The following GRID2 variants were observed in gnomAD, a reference collection of about 807,000 sequenced individuals.
The protein encoded by GRID2 is glutamate receptor ionotropic, delta-2.
A neutral mutation model predicts 114.8 loss-of-function variants in GRID2; 33 were observed. The observed-to-expected ratio is 0.29, with a 90% CI of 0.22 to 0.38. GRID2 has a LOEUF of 0.38. Ranked by LOEUF, GRID2 falls within the 10% of genes least tolerant of loss-of-function variation. The probability of loss-of-function intolerance (pLI) is 1.00; values close to 1 mark genes in which losing one functional copy is unlikely to be tolerated. For missense variants in GRID2, 1,184 were observed against 1,257.7 expected (o/e 0.94, Z 0.89); for synonymous variants, 505 against 449.9 (o/e 1.12, Z -1.55).
chr4:92,515,203 CT>C (rs1724442398), intron 1 of GRID2, among the ~76,000 whole-genome samples: 1 of 151,776 alleles, frequency 6.6e-6, no homozygotes, highest in African/African-American at 2.4e-5. Context: ...GGAAAAATTG[CT>C]AAGCTATATT....
At chr4:93,053,958 T>C (rs1309548936) in intron 2 of GRID2, among the ~76,000 whole-genome samples, 1 of 151,988 alleles carries the variant, frequency 6.6e-6, no homozygotes, top group Non-Finnish European at 1.5e-5. Flanking sequence ...AAATATCTCA[T>C]AACTCTTCAC....
intron 4 of GRID2, among the ~76,000 whole-genome samples, chr4:93,139,284 A>G (rs1006686142): frequency 6.6e-6 from 1 of 152,182 alleles, no homozygotes; most frequent in African/African-American, 2.4e-5. Context: ...GTAAAGGCTG[A>G]CTGGAGAGGA....
intron 1 of GRID2, among the ~76,000 whole-genome samples, chr4:92,374,223 C>A (rs1219476397): frequency 6.6e-6 from 1 of 152,110 alleles, no homozygotes; most frequent in Non-Finnish European, 1.5e-5. Context: ...ACAACTTATT[C>A]TCTTTAAAGC....
intron 7 of GRID2, among the ~76,000 whole-genome samples, chr4:93,231,386 CTG>C: frequency 8.2e-6 from 1 of 121,466 alleles, no homozygotes; most frequent in Non-Finnish European, 1.7e-5. Context: ...CCCGCACCCC[CTG>C]CCAAAAAAAA....
intron 8 of GRID2, among the ~76,000 whole-genome samples, chr4:93,375,954 C>T (rs1763338889): frequency 6.6e-6 from 1 of 151,988 alleles, no homozygotes; most frequent in South Asian, 2.1e-4. Flanking sequence ...ATTGGGTTTT[C>T]CCTGAGGCCT....
intron 1 of GRID2, among the ~76,000 whole-genome samples, chr4:92,363,068 C>T (rs531660011): frequency 5.3e-5 from 8 of 152,034 alleles, no homozygotes; most frequent in African/African-American, 1.9e-4. Context: ...GTGAATATAC[C>T]TGAGAGGGCA....
chr4:93,542,056 A>T lies in GRID2; in HGVS notation c.2193+26645A>T, dbSNP rs75002945. Reference sequence around the variant, plus strand: ...CCCAACTTGGGTCACTACCCCTCACATAGCCCTCTTTAATGTTCTTCAGTT... The same window carrying T: ...CCCAACTTGGGTCACTACCCCTCACTTAGCCCTCTTTAATGTTCTTCAGTT... On this transcript the variant is annotated intron_variant, in intron 13 of 15. Coordinates refer to ENST00000282020, the MANE Select transcript of GRID2 (RefSeq NM_001510.4). Among the ~76,000 whole-genome samples, 754 of 152,300 alleles carry T rather than the reference A, an allele frequency of 5.0e-3. 9 individuals are homozygous for T. Among genetic ancestry groups the T allele is most frequent in the African/African-American group, 0.018 (728 of 41,572 alleles).
chr4:92,938,429 A>G lies in GRID2; in HGVS notation c.245-146566A>G, dbSNP rs1381282380. The stretch of plus-strand genomic sequence containing the variant: ...AATTCCCTGATAATTATTTTTCATA[A>G]GAGAAATAACTATTTTCCAAGTATG... On this transcript the variant is annotated intron_variant, in intron 2 of 15. Transcript: ENST00000282020. Among the ~76,000 whole-genome samples the G allele has an allele frequency of 1.2e-4, 18 of 146,748 alleles. 2 individuals carry two copies. The highest frequency in any genetic ancestry group is 9.0e-5 in the Non-Finnish European group (6 of 66,318).
chr4:93,495,842 T>C (rs761338150), intron 12 of GRID2, among the ~76,000 whole-genome samples: 1 of 151,824 alleles, frequency 6.6e-6, no homozygotes, highest in Admixed American at 6.6e-5. Flanking sequence ...GTAGTGGATG[T>C]AAGAATATTG....
At chr4:93,170,861 T>TTA (rs752268147) in intron 4 of GRID2, among the ~76,000 whole-genome samples, 22 of 152,104 alleles carry the variant, frequency 1.4e-4, no homozygotes, top group Non-Finnish European at 2.9e-4. Context: ...ATTCTTTTTT[T>TTA]TTTTTAACCT....
chr4:92,908,681 T>A (rs1191116863), intron 2 of GRID2, among the ~76,000 whole-genome samples: 1 of 152,072 alleles, frequency 6.6e-6, no homozygotes, highest in Non-Finnish European at 1.5e-5. Flanking sequence ...CTAAACAGCA[T>A]GTTATAGATG....
rs559853577 is a variant in GRID2, at chr4:92,319,055, A to G, written c.88+14311A>G. ...TATTTCATAATGCGTATTTTAAATGAGAATGTATAATATTTTTGTTAGTGA... is the reference window on the plus strand; with the variant it reads ...TATTTCATAATGCGTATTTTAAATGGGAATGTATAATATTTTTGTTAGTGA... On this transcript the variant is annotated intron_variant, in intron 1 of 15. Transcript: ENST00000282020. Among the ~76,000 whole-genome samples the G allele has an allele frequency of 3.9e-5, 6 of 152,302 alleles. No homozygotes were observed. The South Asian group carries it at 1.2e-3, about 32-fold the overall frequency.
intron 1 of GRID2, among the ~76,000 whole-genome samples, chr4:92,453,875 AG>A (rs1240895333): frequency 6.6e-6 from 1 of 152,196 alleles, no homozygotes; most frequent in Non-Finnish European, 1.5e-5. Flanking sequence ...TAAAAACTTA[AG>A]ACCACTGACT....
chr4:92,763,532 A>G (rs1321506800), intron 2 of GRID2, among the ~76,000 whole-genome samples: 2 of 152,230 alleles, frequency 1.3e-5, no homozygotes, highest in Admixed American at 1.3e-4. Flanking sequence ...AGGTATTGCA[A>G]GTAATCTAAA....
intron 13 of GRID2, among the ~76,000 whole-genome samples, chr4:93,521,918 G>A (rs1456066864): frequency 1.3e-5 from 2 of 152,150 alleles, no homozygotes; most frequent in Non-Finnish European, 2.9e-5. Context: ...AGAAAATGCT[G>A]AGTAATGAGA....
intron 2 of GRID2, among the ~76,000 whole-genome samples, chr4:92,669,023 C>T (rs1167721389): frequency 6.6e-6 from 1 of 151,780 alleles, no homozygotes; most frequent in Admixed American, 6.6e-5. Context: ...TTTGTTTCTT[C>T]ACTCTTGCGA....
At chr4:92,320,267 CAG>C (rs1296262762) in intron 1 of GRID2, among the ~76,000 whole-genome samples, 2 of 152,074 alleles carry the variant, frequency 1.3e-5, no homozygotes, top group Non-Finnish European at 2.9e-5. Flanking sequence ...AAAAAGGAAA[CAG>C]TGTTTTTCTA....
At chr4:93,042,625 CTA>C (rs34331791) in intron 2 of GRID2, among the ~76,000 whole-genome samples, 24 of 135,916 alleles carry the variant, frequency 1.8e-4, no homozygotes, top group South Asian at 7.2e-4. Flanking sequence ...CTCTCTCTCT[CTA>C]TATATATATA....
chr4:92,585,062 T>C (rs1268568303), intron 1 of GRID2, among the ~76,000 whole-genome samples: 1 of 152,038 alleles, frequency 6.6e-6, no homozygotes, highest in Non-Finnish European at 1.5e-5. Flanking sequence ...TTTCAAATAT[T>C]TGGCCACTAA....
Sources: allele counts gnomAD v4.1 joint callset (sites outside exome capture counted in the v4.1 genomes callset), GRCh38; gene constraint gnomAD v4.1.1; transcripts MANE v1.5; gene names NCBI Gene and HGNC (gene_info 2026-07-23, HGNC 2026-07-21).